ZBTB48: variants seen among roughly 807,000 people sequenced by gnomAD.
ZBTB48 encodes the protein zinc finger and BTB domain containing 48, also known as zinc finger and BTB domain-containing protein 48.
In ZBTB48, 35 loss-of-function variants were observed where a neutral mutation model predicts 64.5. The observed-to-expected ratio is 0.54, with a 90% CI of 0.41 to 0.72. ZBTB48 has a LOEUF of 0.72. Among genes scored for constraint, ZBTB48 ranks in the 30% least tolerant of loss-of-function variants. The pLI is 0.00. For synonymous variants in ZBTB48, 442 were observed against 356.7 expected, an observed-to-expected ratio of 1.24 and a Z score of -2.70; for missense variants, 828 against 895.3, an observed-to-expected ratio of 0.92 and a Z score of 0.96.
In ZBTB48 at chr1:6,580,706, G is replaced by C; in HGVS notation, c.97G>C (p.Gly33Arg). Residue 33 changes from glycine (G) to arginine (R), a missense_variant, in exon 2 of 11, where the codon GGG becomes CGG. Coordinates refer to ENST00000377674, the MANE Select transcript of ZBTB48 (RefSeq NM_005341.4). The surrounding 1 kb of genome is among the most constrained non-coding windows in gnomAD (Gnocchi z 5.2). ...GQYCDATLDVGGLVFKAHWSV... is the reference protein window; with the variant it reads ...GQYCDATLDVRGLVFKAHWSV... ...GTACTGCGACGCCACTCTGGACGTG[G>C]GGGGCCTGGTGTTTAAGGCACACTG... 1 of 1,614,122 alleles carries C rather than the reference G, an allele frequency of 6.2e-7. No individual in the cohort carries two copies. The highest frequency in any genetic ancestry group is 8.5e-7 in the Non-Finnish European group (1 of 1,180,020).
chr1:6,585,620 A>G (rs1640630254), intron 3 of ZBTB48: 2 of 368,790 alleles, frequency 5.4e-6, no homozygotes, highest in Admixed American at 3.6e-5. Context: ...TCCAATAGTC[A>G]GGACCCAAGA....
chr1:6,585,679 G>T (rs1570169132), intron 3 of ZBTB48: 4 of 524,872 alleles, frequency 7.6e-6, no homozygotes, highest in Admixed American at 6.2e-5. Flanking sequence ...CTCCCTGTCG[G>T]CCTCTGTGCT....
intron 3 of ZBTB48, among the ~76,000 whole-genome samples, chr1:6,583,855 C>T (rs996020699): frequency 6.7e-6 from 1 of 148,536 alleles, no homozygotes; most frequent in African/African-American, 2.5e-5. Context: ...TCTAAGCTCA[C>T]TACAACCTCT....
intron 3 of ZBTB48, among the ~76,000 whole-genome samples, chr1:6,583,776 CT>C (rs36102416): frequency 0.55 from 47,526 of 85,794 alleles, 12,601 homozygotes; most frequent in South Asian, 0.67. Flanking sequence ...AATTGTTTTA[CT>C]TTTTTTTTTT....
Position 6,587,309 on chromosome 1 carries a change from C to T in ZBTB48, c.1224+18C>T. ...CCCATGCAGTAAGTGACAGGGAGGG[C>T]TGGGCATGCTTTGATGCTGGCATGA... On this transcript the variant is annotated intron_variant, in intron 6 of 10. Transcript: ENST00000377674. The T allele has an allele frequency of 1.2e-6, 2 of 1,613,952 alleles. No homozygotes were observed. Among genetic ancestry groups the T allele is most frequent in the South Asian group, 1.1e-5 (1 of 91,068 alleles).
rs1299621598 is a variant in ZBTB48, at chr1:6,584,163, C to T, written c.933-1756C>T. ...ACTCCTGACCTTGCGATCCACCTGC[C>T]TTAGCTTCCCAAAGTGCTGGGATTA... On this transcript the variant is annotated intron_variant, in intron 3 of 10. Transcript: ENST00000377674. The surrounding 1 kb of genome is among the most constrained non-coding windows in gnomAD (Gnocchi z 4.5). Among the ~76,000 whole-genome samples, 1 of 152,172 alleles carries T rather than the reference C, an allele frequency of 6.6e-6. No homozygotes were observed. The highest frequency in any genetic ancestry group is 1.5e-5 in the Non-Finnish European group (1 of 68,016).
Position 6,588,220 on chromosome 1 carries a change from C to G in ZBTB48, c.1516+24C>G, listed in dbSNP as rs114196503. 889 of 1,613,474 alleles carry G rather than the reference C, an allele frequency of 5.5e-4. 7 individuals are homozygous for G. In the African/African-American group the frequency reaches 0.011, roughly 20 times the overall value. ...AGGTGAGGTACGCCCTGCCCCTCCC[C>G]TCGCCTCCCCATCCTGAGGCCAAGG... On this transcript the variant is annotated intron_variant, in intron 8 of 10. Transcript: ENST00000377674.
In ZBTB48 at chr1:6,580,296, C is replaced by A. The variant is rs190053423; in HGVS notation, c.-70+160C>A. Among the ~76,000 whole-genome samples the A allele has an allele frequency of 6.6e-6, 1 of 152,226 alleles. No individual in the cohort carries two copies. The highest frequency in any genetic ancestry group is 1.5e-5 in the Non-Finnish European group (1 of 68,034). ...ATCCTCTCACTGTGCCGGGCCAGTC[C>A]GTTCGCTCTCATCCCATGTCTCCTT... On this transcript the variant is annotated intron_variant, in intron 1 of 10. Transcript: ENST00000377674. This position sits in a 1 kb window ranked among gnomAD's most constrained non-coding sequence, Gnocchi z 5.2.
At position 6,584,865 on chromosome 1, in the gene ZBTB48, C is replaced by T. The variant is rs1344125853; in HGVS notation, c.933-1054C>T. On this transcript the variant is annotated intron_variant, in intron 3 of 10. Coordinates refer to ENST00000377674, the MANE Select transcript of ZBTB48 (RefSeq NM_005341.4). This position sits in a 1 kb window ranked among gnomAD's most constrained non-coding sequence, Gnocchi z 4.5. ...GGAGCTGTCGCAGGCTGCACAGGGG[C>T]TCTGAGGTCGAGTTCGTTTAGTTCA... Among the ~76,000 whole-genome samples, 3 of 152,130 alleles carry T rather than the reference C, an allele frequency of 2.0e-5. No individual in the cohort carries two copies. The highest frequency in any genetic ancestry group is 7.2e-5 in the African/African-American group (3 of 41,432).
intron 4 of ZBTB48, 80 bp from the exon 5 acceptor site, chr1:6,586,615 A>C (rs1367485837): frequency 6.9e-7 from 1 of 1,443,040 alleles, no homozygotes; most frequent in African/African-American, 1.4e-5. Flanking sequence ...CCCAGCAGCA[A>C]GCGGAAGCCC....
In ZBTB48 at chr1:6,586,064, G is replaced by A. The variant is rs753274016; in HGVS notation, c.1044+34G>A. 13 of 1,600,942 alleles carry A rather than the reference G, an allele frequency of 8.1e-6. No homozygotes were observed. The South Asian group carries it at 1.4e-4, about 18-fold the overall frequency. On this transcript the variant is annotated intron_variant, in intron 4 of 10. Transcript: ENST00000377674. ...GAGCTGGCCCAGGTACTTGTGGGCA[G>A]GGCACACTGGCCTCTCTGTCTTCGT...
intron 3 of ZBTB48, chr1:6,585,657 G>C (rs1270866851): frequency 1.9e-5 from 9 of 478,134 alleles, no homozygotes; most frequent in Non-Finnish European, 3.4e-5. Context: ...GACAGAATGC[G>C]GTCAGCTGGG....
intron 9 of ZBTB48, 70 bp from the exon 10 acceptor site, chr1:6,588,686 C>T (rs1640767889): frequency 1.2e-6 from 2 of 1,604,954 alleles, no homozygotes; most frequent in East Asian, 2.2e-5. Context: ...CCTGTCCCAA[C>T]CTCCTGCTGG....
chr1:6,582,246 C>T lies in ZBTB48; in HGVS notation c.879C>T (p.Cys293=). Residue 293 remains cysteine, a synonymous_variant, in exon 3 of 11, where the codon TGC becomes TGT. Coordinates refer to ENST00000377674, the MANE Select transcript of ZBTB48 (RefSeq NM_005341.4). ...AAGGTACAGCGGTGCCGGTCGAATG[C>T]CCCACATGTCATAAAAAGTTCCTCA... ...NRKGTAVPVE[C]PTCHKKFLSK... 6.2e-7 allele frequency: 1 copy of T among 1,613,642 alleles called. No individual in the cohort carries two copies. The highest frequency in any genetic ancestry group is 8.5e-7 in the Non-Finnish European group (1 of 1,179,594).
rs1292866852 is a variant in ZBTB48, at chr1:6,586,681, C to G, written c.1045-14C>G. ...CCCGCTGATGCCGGCCCTGCTTGCCCCTCACACTGCCAGGTCTTCACGTGC... is the reference window on the plus strand; with the variant it reads ...CCCGCTGATGCCGGCCCTGCTTGCCGCTCACACTGCCAGGTCTTCACGTGC... On this transcript the variant is annotated splice_polypyrimidine_tract_variant and intron_variant, in intron 4 of 10. Transcript: ENST00000377674. 1 of 1,532,694 alleles carries G rather than the reference C, an allele frequency of 6.5e-7. No homozygotes were observed. The highest frequency in any genetic ancestry group is 8.8e-7 in the Non-Finnish European group (1 of 1,139,658). 94.9% of individuals were successfully genotyped at this position (1,532,694 alleles called of 1,614,324 possible).
chr1:6,581,003 C>G lies in ZBTB48; in HGVS notation c.394C>G (p.Pro132Ala), dbSNP rs763166980. The G allele has an allele frequency of 6.2e-7, 1 of 1,613,358 alleles. No individual in the cohort carries two copies. The highest frequency in any genetic ancestry group is 1.1e-5 in the South Asian group (1 of 91,084). Reference protein sequence around the residue: ...QAAGGQSGLGPPASQNVNSHV... With the variant: ...QAAGGQSGLGAPASQNVNSHV... The stretch of plus-strand genomic sequence containing the variant: ...AGCAGGTGGCCAGAGTGGGCTGGGG[C>G]CCCCTGCCTCCCAGAATGTGAACAG... Residue 132 changes from proline to alanine, a missense_variant, in exon 2 of 11, where the codon CCC (proline) becomes GCC (alanine). Physicochemically the swap from Pro to Ala is conservative, Grantham distance 27. Transcript: ENST00000377674.
Position 6,588,835 on chromosome 1 carries a change from T to C in ZBTB48, c.1761T>C (p.Phe587=), listed in dbSNP as rs762957019. The C allele has an allele frequency of 6.2e-7, 1 of 1,614,142 alleles. No homozygotes were observed. Among genetic ancestry groups the C allele is most frequent in the Non-Finnish European group, 8.5e-7 (1 of 1,180,026 alleles). ...AGTGCACCGAGTGTGGCTACAAGTT[T>C]ACCCGACAGGTAGGCCAGGGCCTGG... is the stretch of plus-strand genomic sequence containing the variant. The part of the protein sequence containing the change: ...KFECTECGYK[F]TRQAHLRRHM... Residue 587 remains phenylalanine, a synonymous_variant, in exon 10 of 11, where the codon TTT becomes TTC. Coordinates refer to ENST00000377674, the MANE Select transcript of ZBTB48 (RefSeq NM_005341.4).
Position 6,584,610 on chromosome 1 carries a change from C to G in ZBTB48, c.933-1309C>G, listed in dbSNP as rs1314779678. Reference sequence around the variant, plus strand: ...CTGCCAGTGGAATGCTGGGATAACCCCAGTGTCGGGGGTCCTGGGGCAGCC... The same window carrying G: ...CTGCCAGTGGAATGCTGGGATAACCGCAGTGTCGGGGGTCCTGGGGCAGCC... On this transcript the variant is annotated intron_variant, in intron 3 of 10. Transcript: ENST00000377674. The surrounding 1 kb of genome is among the most constrained non-coding windows in gnomAD (Gnocchi z 4.5). Among the ~76,000 whole-genome samples the G allele has an allele frequency of 6.6e-6, 1 of 152,228 alleles. No homozygotes were observed. The highest frequency in any genetic ancestry group is 1.5e-5 in the Non-Finnish European group (1 of 68,034).
chr1:6,580,922 C>T lies in ZBTB48; in HGVS notation c.313C>T (p.Pro105Ser), dbSNP rs1232956433. ...VLLAARELRV[P>S]EAVELCQSFK... ...CCTGGCAGCCAGGGAGTTGCGAGTG[C>T]CAGAGGCCGTAGAGCTGTGCCAGAG... Residue 105 changes from proline to serine, a missense_variant, in exon 2 of 11, where the codon CCA becomes TCA. Physicochemically the swap from Pro to Ser is moderately conservative, Grantham distance 74. Coordinates refer to ENST00000377674, the MANE Select transcript of ZBTB48 (RefSeq NM_005341.4). This position sits in a 1 kb window ranked among gnomAD's most constrained non-coding sequence, Gnocchi z 5.2. The T allele has an allele frequency of 6.2e-7, 1 of 1,614,034 alleles. No homozygotes were observed. Among genetic ancestry groups the T allele is most frequent in the South Asian group, 1.1e-5 (1 of 91,086 alleles).
Sources: gnomAD v4.1 joint callset for allele counts (sites outside exome capture counted in the v4.1 genomes callset) on GRCh38, gnomAD v4.1.1 for gene constraint, Gnocchi (gnomAD v3.1) non-coding constraint, MANE v1.5 for transcripts, NCBI Gene and HGNC (gene_info 2026-07-23, HGNC 2026-07-21) for gene names.